Variants in LRRC73 observed in about 807,000 individuals in gnomAD.
LRRC73 encodes leucine rich repeat containing 73.
A neutral mutation model predicts 26.4 loss-of-function variants in LRRC73; 16 were observed. The observed-to-expected ratio is 0.61, with a 90% CI of 0.41 to 0.92. The LOEUF (loss-of-function observed/expected upper bound fraction) is 0.92. Ranked by LOEUF, LRRC73 falls within the 40% of genes least tolerant of loss-of-function variation. LRRC73 has a pLI of 0.00. For synonymous variants in LRRC73, 210 were observed against 179.8 expected, an observed-to-expected ratio of 1.17 and a Z score of -1.34; for missense variants, 344 against 416.3, an observed-to-expected ratio of 0.83 and a Z score of 1.51.
At chr6:43,509,796 G>C in exon 1 of LRRC73, 1 of 1,511,516 alleles carries the variant, frequency 6.6e-7, no homozygotes, top group Non-Finnish European at 8.8e-7. Context: ...CGTGCCCACG[G>C]CTGGGCCTCC....
At chr6:43,509,072 A>T (rs1792589291) in intron 1 of LRRC73, 152 bp from the exon 2 acceptor site, 6 of 664,976 alleles carry the variant, frequency 9.0e-6, no homozygotes, top group Non-Finnish European at 1.3e-5. Flanking sequence ...CTAGATTCTC[A>T]GGGAATACAG....
exon 2 of LRRC73, chr6:43,508,830 C>A: frequency 6.2e-7 from 1 of 1,613,132 alleles, no homozygotes; most frequent in Admixed American, 1.7e-5. Flanking sequence ...GCATGCAGTC[C>A]CCCAGGTCCA....
exon 2 of LRRC73, chr6:43,508,871 C>T: frequency 6.2e-7 from 1 of 1,612,448 alleles, no homozygotes; most frequent in South Asian, 1.1e-5. Context: ...AGGGCCAGGG[C>T]TGGGTTCAGC....
Position 43,508,851 on chromosome 6 carries a change from G to A in LRRC73, c.342C>T (p.Ala114=), listed in dbSNP as rs778866448. 5.0e-6 allele frequency: 8 copies of A among 1,612,918 alleles called. No homozygotes were observed. In the East Asian group the frequency reaches 1.8e-4, roughly 36 times the overall value. ...AGTCCCCCAGGTCCAGAGCCACGAG[G>A]GCAGGGTGGAGGGCCAGGGCTGGGT... The change falls in exon 2 of 6, where the codon GCC becomes GCT. Residue 114 remains alanine, a synonymous_variant. Transcript: ENST00000372441.
At chr6:43,509,410 G>T in intron 1 of LRRC73, 104 bp downstream of exon 1, 1 of 1,362,410 alleles carries the variant, frequency 7.3e-7, no homozygotes, top group East Asian at 2.4e-5. Flanking sequence ...TAAGGCATGT[G>T]AAGGTAGGAT....
chr6:43,508,270 A>G (rs1302442826), intron 3 of LRRC73, 28 bp downstream of exon 3: 1 of 1,589,206 alleles, frequency 6.3e-7, no homozygotes, highest in Admixed American at 1.7e-5. Context: ...AGGCAGTGAC[A>G]GCCCAAGGGG....
At chr6:43,507,371 G>C in intron 5 of LRRC73, 63 bp from the exon 6 acceptor site, 2 of 1,609,256 alleles carry the variant, frequency 1.2e-6, no homozygotes, top group Middle Eastern at 3.3e-4. Context: ...CCACAGATAG[G>C]TGAGAGCCTA....
At position 43,509,619 on chromosome 6, in the gene LRRC73, G is replaced by A. The variant is rs1337571565; in HGVS notation, c.167C>T (p.Thr56Met). The A allele has an allele frequency of 4.4e-6, 7 of 1,604,914 alleles. No homozygotes were observed. The South Asian group carries it at 5.5e-5, about 13-fold the overall frequency. ...GTTAAGGTTGAGCTGCGCCAGGGACGTGGCCCCGGCCAGGGCCCGGCAGAT... is the reference window on the plus strand; with the variant it reads ...GTTAAGGTTGAGCTGCGCCAGGGACATGGCCCCGGCCAGGGCCCGGCAGAT... Residue 56 changes from threonine to methionine, a missense_variant, in exon 1 of 6, where the codon ACG becomes ATG. Thr to Met is a moderately conservative substitution (Grantham distance 81). Transcript: ENST00000372441.
At chr6:43,509,434 G>GT in intron 1 of LRRC73, 80 bp downstream of exon 1, 3 of 1,479,308 alleles carry the variant, frequency 2.0e-6, no homozygotes, top group Non-Finnish European at 2.7e-6. Context: ...ACTGGAAGGA[G>GT]TGTGGAGGAA....
At chr6:43,509,520 G>A (rs772541508) in exon 1 of LRRC73, 11 of 1,607,754 alleles carry the variant, frequency 6.8e-6, no homozygotes, top group Non-Finnish European at 8.5e-6. Context: ...TCACAAGAGG[G>A]ACTGGATGGA....
exon 1 of LRRC73, chr6:43,509,520 G>T: frequency 6.2e-7 from 1 of 1,607,870 alleles, no homozygotes; most frequent in South Asian, 1.1e-5. Context: ...TCACAAGAGG[G>T]ACTGGATGGA....
intron 1 of LRRC73, 107 bp downstream of exon 1, chr6:43,509,407 T>C (rs971536244): frequency 6.7e-6 from 9 of 1,335,810 alleles, no homozygotes; most frequent in South Asian, 2.9e-5. Flanking sequence ...GCATAAGGCA[T>C]GTGAAGGTAG....
intron 1 of LRRC73, 119 bp from the exon 2 acceptor site, chr6:43,509,039 C>T (rs1325886296): frequency 1.9e-6 from 2 of 1,050,630 alleles, no homozygotes; most frequent in Non-Finnish European, 2.6e-6. Flanking sequence ...GCTTGAGAGG[C>T]CTGGAAAAGG....
At chr6:43,509,171 C>T (rs1440131595) in intron 1 of LRRC73, among the ~76,000 whole-genome samples, 2 of 152,122 alleles carry the variant, frequency 1.3e-5, no homozygotes, top group Admixed American at 6.5e-5. Flanking sequence ...GGTGGTGGAC[C>T]GGAACTCTGC....
exon 1 of LRRC73, chr6:43,509,779 G>A: frequency 6.5e-7 from 1 of 1,544,094 alleles, no homozygotes; most frequent in South Asian, 1.2e-5. Context: ...ATGGAGCTGG[G>A]CAGCATCGTG....
At chr6:43,510,181 G>C (rs1477624211) in exon 1 of LRRC73, 1 of 168,288 alleles carries the variant, frequency 5.9e-6, no homozygotes, top group African/African-American at 2.4e-5. Flanking sequence ...CAGCGGCAGC[G>C]AGCGGCTCAA....
exon 2 of LRRC73, chr6:43,508,777 G>T: frequency 1.9e-6 from 3 of 1,611,364 alleles, no homozygotes; most frequent in East Asian, 2.2e-5. Context: ...GGCCCCATCT[G>T]GGGGCAGGAG....
chr6:43,508,528 C>T (rs1204361540), intron 2 of LRRC73, 108 bp from the exon 3 acceptor site: 1 of 1,524,820 alleles, frequency 6.6e-7, no homozygotes, highest in African/African-American at 1.4e-5. Context: ...TGGGCACCAC[C>T]TTACCCCCAC....
At chr6:43,509,913 AGGC>A in exon 1 of LRRC73, 2 of 728,790 alleles carry the variant, frequency 2.7e-6, no homozygotes, top group Non-Finnish European at 3.8e-6. Flanking sequence ...CCGGGGGTGG[AGGC>A]GGCGGCTGTG....
Sources: gnomAD v4.1 joint callset for allele counts (sites outside exome capture counted in the v4.1 genomes callset) on GRCh38, gnomAD v4.1.1 for gene constraint, MANE v1.5 for transcripts, NCBI Gene and HGNC (gene_info 2026-07-23, HGNC 2026-07-21) for gene names.